The following LRRTM4 variants were observed in gnomAD, a reference collection of about 807,000 sequenced individuals.
The protein encoded by LRRTM4 is leucine-rich repeat transmembrane neuronal protein 4.
In LRRTM4, 25 loss-of-function variants were observed where a neutral mutation model predicts 47.6. That is an observed-to-expected ratio of 0.53 (90% CI 0.38 to 0.73). The LOEUF is 0.73. Among genes scored for constraint, LRRTM4 ranks in the 30% least tolerant of loss-of-function variants. The pLI is 0.00. For missense variants in LRRTM4, 638 were observed against 713.4 expected (o/e 0.89, Z 1.20); for synonymous variants, 311 against 269.5 (o/e 1.15, Z -1.51).
At chr2:77,033,717 G>A (rs1034428402) in intron 3 of LRRTM4, among the ~76,000 whole-genome samples, 46 of 151,746 alleles carry the variant, frequency 3.0e-4, no homozygotes, top group African/African-American at 3.6e-4. Context: ...TCATTTATAC[G>A]TCAGTTAATT....
At chr2:76,899,563 A>T (rs529311172) in intron 3 of LRRTM4, among the ~76,000 whole-genome samples, 7 of 152,256 alleles carry the variant, frequency 4.6e-5, no homozygotes, top group African/African-American at 1.7e-4. Context: ...TAGCTAATGC[A>T]AAGGACCTAA....
chr2:77,084,693 C>A (rs1680651965), intron 3 of LRRTM4, among the ~76,000 whole-genome samples: 1 of 152,140 alleles, frequency 6.6e-6, no homozygotes, highest in African/African-American at 2.4e-5. Flanking sequence ...CTCTAAGCAT[C>A]AGCTGGTGTC....
chr2:76,864,747 G>A (rs905236012), intron 3 of LRRTM4, among the ~76,000 whole-genome samples: 12 of 151,368 alleles, frequency 7.9e-5, no homozygotes, highest in Non-Finnish European at 1.8e-4. Flanking sequence ...TTAAGACAAG[G>A]TCTCTCTGTT....
chr2:76,796,987 G>C (rs1304666460), intron 3 of LRRTM4, among the ~76,000 whole-genome samples: 1 of 152,102 alleles, frequency 6.6e-6, no homozygotes, highest in Non-Finnish European at 1.5e-5. Flanking sequence ...ATCTACATCT[G>C]ATTGGAGTAC....
At chr2:76,776,576 AT>A (rs2104135457) in intron 3 of LRRTM4, among the ~76,000 whole-genome samples, 1 of 152,302 alleles carries the variant, frequency 6.6e-6, no homozygotes, top group Admixed American at 6.5e-5. Flanking sequence ...GTGTCTGTTC[AT>A]GACCTTTGCC....
At chr2:77,304,762 C>A (rs536520631) in intron 3 of LRRTM4, among the ~76,000 whole-genome samples, 5 of 151,990 alleles carry the variant, frequency 3.3e-5, no homozygotes, top group African/African-American at 1.2e-4. Context: ...TACTCTTAAA[C>A]CAGGTGAAAT....
chr2:76,916,403 A>AAAG (rs567579593), intron 3 of LRRTM4, among the ~76,000 whole-genome samples: 4,865 of 136,104 alleles, frequency 0.036, 117 homozygotes, highest in East Asian at 0.23. Flanking sequence ...AAAAAAAAAA[A>AAAG]AAAAGAAAAG....
At chr2:77,437,225 G>A (rs972703079) in intron 3 of LRRTM4, among the ~76,000 whole-genome samples, 4 of 152,030 alleles carry the variant, frequency 2.6e-5, no homozygotes, top group Admixed American at 1.3e-4. Flanking sequence ...CAGAAATATC[G>A]TTGATATTTT....
intron 3 of LRRTM4, among the ~76,000 whole-genome samples, chr2:77,278,034 T>C (rs1392546687): frequency 6.6e-6 from 1 of 151,984 alleles, no homozygotes; most frequent in Non-Finnish European, 1.5e-5. Context: ...AAAGTCACAC[T>C]GAAGGCTAAT....
chr2:77,378,674 C>T (rs948157468), intron 3 of LRRTM4, among the ~76,000 whole-genome samples: 5 of 152,130 alleles, frequency 3.3e-5, no homozygotes, highest in African/African-American at 1.2e-4. Context: ...ATGTCCTCCA[C>T]CAGCCCAAGC....
chr2:77,309,410 G>T (rs1677383442), intron 3 of LRRTM4, among the ~76,000 whole-genome samples: 1 of 152,142 alleles, frequency 6.6e-6, no homozygotes, highest in Admixed American at 6.5e-5. Context: ...AATTGGTGCA[G>T]ATATGGCCAT....
chr2:76,803,487 G>A (rs11126569), intron 3 of LRRTM4, among the ~76,000 whole-genome samples: 23,902 of 152,074 alleles, frequency 0.16, 2,032 homozygotes, highest in African/African-American at 0.2. Context: ...ACCCTTGTAC[G>A]CTGTTGATGG....
intron 3 of LRRTM4, among the ~76,000 whole-genome samples, chr2:77,074,852 C>A (rs1408703403): frequency 1.3e-5 from 2 of 152,022 alleles, no homozygotes. Flanking sequence ...AAATAAAATT[C>A]TATTAAGTTA....
At chr2:76,974,227 C>CATAT (rs770055399) in intron 3 of LRRTM4, among the ~76,000 whole-genome samples, 1 of 125,150 alleles carries the variant, frequency 8.0e-6, no homozygotes, top group Non-Finnish European at 1.6e-5. Flanking sequence ...TATATACATA[C>CATAT]ATATATATAT....
At chr2:76,766,864 C>A (rs900819884) in intron 3 of LRRTM4, among the ~76,000 whole-genome samples, 3 of 151,986 alleles carry the variant, frequency 2.0e-5, no homozygotes, top group African/African-American at 2.4e-5. Context: ...TACCCTGTTA[C>A]CCCCAAGGAA....
intron 3 of LRRTM4, among the ~76,000 whole-genome samples, chr2:77,300,577 A>C (rs1677109235): frequency 6.6e-6 from 1 of 152,186 alleles, no homozygotes; most frequent in African/African-American, 2.4e-5. Flanking sequence ...TACATTTAAC[A>C]CACCTAGCAC....
chr2:77,216,385 G>A (rs1346585392), intron 3 of LRRTM4, among the ~76,000 whole-genome samples: 1 of 152,066 alleles, frequency 6.6e-6, no homozygotes, highest in Non-Finnish European at 1.5e-5. Context: ...ACAGTATTTG[G>A]GCCGGGCGCG....
chr2:76,891,838 CA>C (rs1285328687), intron 3 of LRRTM4, among the ~76,000 whole-genome samples: 32 of 150,956 alleles, frequency 2.1e-4, no homozygotes, highest in African/African-American at 7.8e-4. Context: ...AATTCGGATG[CA>C]AAAAAGATAA....
intron 3 of LRRTM4, among the ~76,000 whole-genome samples, chr2:77,233,674 A>T (rs1427685624): frequency 6.6e-6 from 1 of 152,214 alleles, no homozygotes; most frequent in African/African-American, 2.4e-5. Flanking sequence ...AATGGAAAAC[A>T]TTCTATTTAA....
Sources: gnomAD v4.1 joint callset for allele counts (sites outside exome capture counted in the v4.1 genomes callset) on GRCh38, gnomAD v4.1.1 for gene constraint, MANE v1.5 for transcripts, NCBI Gene and HGNC (gene_info 2026-07-23, HGNC 2026-07-21) for gene names.